The following LIN7A variants were observed in gnomAD, a reference collection of about 807,000 sequenced individuals.
The protein encoded by LIN7A is lin-7 cell polarity scaffold A, also known as protein lin-7 homolog A.
LIN7A carries 25 observed loss-of-function variants against 29.8 expected under a neutral mutation model. The observed-to-expected ratio is 0.84, with a 90% CI of 0.61 to 1.17. The LOEUF (loss-of-function observed/expected upper bound fraction) is 1.17, where lower values mean the gene tolerates loss of function less well. Ranked by LOEUF, LIN7A falls within the 50% of genes most tolerant of loss-of-function variation. LIN7A has a pLI of 0.00. For synonymous variants in LIN7A, 118 were observed against 107.5 expected, an observed-to-expected ratio of 1.10 and a Z score of -0.60; for missense variants, 239 against 287.0, an observed-to-expected ratio of 0.83 and a Z score of 1.21.
intron 1 of LIN7A, among the ~76,000 whole-genome samples, chr12:80,901,446 A>G (rs1187349549): frequency 2.0e-5 from 3 of 152,178 alleles, no homozygotes; most frequent in African/African-American, 4.8e-5. Flanking sequence ...ACAAATATAT[A>G]CCAGTTGTAA....
chr12:80,843,060 T>C (rs1842790184), intron 4 of LIN7A, among the ~76,000 whole-genome samples: 1 of 152,160 alleles, frequency 6.6e-6, no homozygotes, highest in African/African-American at 2.4e-5. Context: ...CTTTACTTAT[T>C]AGCAAGAATA....
chr12:80,908,060 C>A (rs1490356185), intron 1 of LIN7A, among the ~76,000 whole-genome samples: 1 of 151,994 alleles, frequency 6.6e-6, no homozygotes, highest in African/African-American at 2.4e-5. Context: ...AAGTACTTAG[C>A]CTGAGATATC....
At chr12:80,907,053 C>CTGTGTGTGTGTG (rs1491359652) in intron 1 of LIN7A, among the ~76,000 whole-genome samples, 8,757 of 132,764 alleles carry the variant, frequency 0.066, 521 homozygotes, top group East Asian at 0.11. Context: ...AGAGTGCGTG[C>CTGTGTGTGTGTG]TCTGTGTGTG....
At chr12:80,906,317 T>C (rs766130326) in intron 1 of LIN7A, among the ~76,000 whole-genome samples, 10 of 152,220 alleles carry the variant, frequency 6.6e-5, no homozygotes, top group South Asian at 2.1e-4. Flanking sequence ...TTGCATGTCA[T>C]ACTTCAGAGA....
intron 5 of LIN7A, among the ~76,000 whole-genome samples, chr12:80,810,227 T>A (rs923436928): frequency 7.9e-5 from 12 of 152,186 alleles, no homozygotes; most frequent in Non-Finnish European, 1.3e-4. Flanking sequence ...TACTCTCTAC[T>A]TCTATGAATT....
At chr12:80,817,985 A>G (rs559904958) in intron 4 of LIN7A, among the ~76,000 whole-genome samples, 1 of 152,182 alleles carries the variant, frequency 6.6e-6, no homozygotes, top group Non-Finnish European at 1.5e-5. Context: ...AAGGAATAGC[A>G]TGGGGCTACC....
intron 5 of LIN7A, among the ~76,000 whole-genome samples, chr12:80,802,350 T>C (rs373483996): frequency 1.3e-5 from 2 of 152,222 alleles, no homozygotes; most frequent in African/African-American, 2.4e-5. Context: ...TATTCTGTTA[T>C]GTATGTCTAT....
intron 4 of LIN7A, among the ~76,000 whole-genome samples, chr12:80,841,068 A>C (rs1337986412): frequency 6.6e-6 from 1 of 152,168 alleles, no homozygotes; most frequent in Non-Finnish European, 1.5e-5. Context: ...GAAGACAGTC[A>C]TCATTCCCCT....
chr12:80,906,952 A>G (rs1307026365), intron 1 of LIN7A, among the ~76,000 whole-genome samples: 1 of 152,090 alleles, frequency 6.6e-6, no homozygotes, highest in Middle Eastern at 3.2e-3. Context: ...TCCAATCTCA[A>G]TTCAGCATTT....
At chr12:80,872,131 C>G (rs552849426) in intron 2 of LIN7A, among the ~76,000 whole-genome samples, 3 of 151,920 alleles carry the variant, frequency 2.0e-5, no homozygotes, top group African/African-American at 7.2e-5. Flanking sequence ...ATAATTGGAA[C>G]AATAATCATT....
At chr12:80,804,843 C>A (rs374150813) in intron 5 of LIN7A, among the ~76,000 whole-genome samples, 4 of 152,080 alleles carry the variant, frequency 2.6e-5, no homozygotes, top group African/African-American at 9.7e-5. Context: ...TGTGAGCCAC[C>A]GTGCCTGGCA....
intron 4 of LIN7A, among the ~76,000 whole-genome samples, chr12:80,826,393 C>G (rs1255433848): frequency 6.6e-6 from 1 of 152,214 alleles, no homozygotes; most frequent in Non-Finnish European, 1.5e-5. Flanking sequence ...AATTAACCAC[C>G]AATACTGGTT....
At chr12:80,864,327 G>GA (rs895626291) in intron 2 of LIN7A, among the ~76,000 whole-genome samples, 11 of 137,438 alleles carry the variant, frequency 8.0e-5, no homozygotes, top group East Asian at 2.1e-4. Flanking sequence ...ATCAAGATGA[G>GA]AAAAAAAAAG....
chr12:80,902,159 C>A (rs1018018712), intron 1 of LIN7A, among the ~76,000 whole-genome samples: 1 of 150,692 alleles, frequency 6.6e-6, no homozygotes, highest in East Asian at 1.9e-4. Context: ...GAAGATCAGA[C>A]GATTGTAGGT....
intron 5 of LIN7A, among the ~76,000 whole-genome samples, chr12:80,804,121 G>A (rs1052082909): frequency 6.6e-6 from 1 of 151,654 alleles, no homozygotes; most frequent in Non-Finnish European, 1.5e-5. Context: ...ATATTTATGG[G>A]GTCCATGAGA....
At chr12:80,855,247 G>T (rs539301977) in intron 2 of LIN7A, among the ~76,000 whole-genome samples, 2 of 152,132 alleles carry the variant, frequency 1.3e-5, no homozygotes, top group African/African-American at 4.8e-5. Context: ...ATGGGAAAAT[G>T]ATGAGGTCTA....
chr12:80,907,654 CA>C (rs924335141), intron 1 of LIN7A, among the ~76,000 whole-genome samples: 1 of 151,594 alleles, frequency 6.6e-6, no homozygotes, highest in South Asian at 2.1e-4. Flanking sequence ...TAATAGAACA[CA>C]AAAAAAGGCT....
intron 2 of LIN7A, among the ~76,000 whole-genome samples, chr12:80,858,611 C>T (rs909097103): frequency 3.0e-4 from 46 of 151,614 alleles, no homozygotes; most frequent in African/African-American, 1.1e-3. Flanking sequence ...ACAGGAAATG[C>T]CTGAGCAAAA....
At chr12:80,847,679 C>T (rs1357376719) in intron 3 of LIN7A, among the ~76,000 whole-genome samples, 1 of 152,084 alleles carries the variant, frequency 6.6e-6, no homozygotes, top group Non-Finnish European at 1.5e-5. Flanking sequence ...ATCGGTATAA[C>T]ATTTCCATTA....
Sources: gnomAD v4.1 joint callset for allele counts (sites outside exome capture counted in the v4.1 genomes callset) on GRCh38, gnomAD v4.1.1 for gene constraint, MANE v1.5 for transcripts, NCBI Gene and HGNC (gene_info 2026-07-23, HGNC 2026-07-21) for gene names.